The following SLC25A26 variants were observed in gnomAD, a reference collection of about 807,000 sequenced individuals.
SLC25A26 encodes the protein mitochondrial S-adenosylmethionine carrier protein.
Under a neutral mutation model 37.8 loss-of-function variants are expected in SLC25A26, and 36 were observed. That is an observed-to-expected ratio of 0.95 (90% CI 0.73 to 1.26). SLC25A26 has a LOEUF of 1.26. Among genes scored for constraint, SLC25A26 ranks in the 50% most tolerant of loss-of-function variants. The pLI is 0.00. For missense variants in SLC25A26, 390 were observed against 331.1 expected (o/e 1.18, Z -1.38); for synonymous variants, 129 against 122.5 (o/e 1.05, Z -0.35).
intron 7 of SLC25A26, among the ~76,000 whole-genome samples, chr3:66,369,150 CACAT>C (rs1184332349): frequency 6.6e-6 from 1 of 151,470 alleles, no homozygotes; most frequent in Non-Finnish European, 1.5e-5. Flanking sequence ...GGCATCTGGC[CACAT>C]ACATGTATGT....
rs550913861 is a variant in SLC25A26 at position 66,254,657 on chromosome 3, G to A, written c.301-7394G>A. ...ACATCTTTATTGAAAAATAATTCTG[G>A]AGATGATAGTCAGAACACTTGGGTT... On this transcript the variant is annotated intron_variant, in intron 3 of 9. Coordinates refer to ENST00000354883, the MANE Select transcript of SLC25A26 (RefSeq NM_001379210.1). Among the ~76,000 whole-genome samples the A allele has an allele frequency of 3.3e-5, 5 of 152,330 alleles. No individual in the cohort carries two copies. The South Asian group carries it at 1.0e-3, about 32-fold the overall frequency.
intron 1 of SLC25A26, among the ~76,000 whole-genome samples, chr3:66,134,784 CTTT>C (rs2069922031): frequency 6.6e-6 from 1 of 151,898 alleles, no homozygotes; most frequent in Non-Finnish European, 1.5e-5. Flanking sequence ...CACTTTTCTT[CTTT>C]GACAGTTGTC....
chr3:66,327,285 C>T (rs989748511), intron 5 of SLC25A26, among the ~76,000 whole-genome samples: 8 of 152,156 alleles, frequency 5.3e-5, no homozygotes, highest in African/African-American at 9.6e-5. Flanking sequence ...CCCCAAAATG[C>T]ATGATTTTTA....
chr3:66,374,574 C>T, intron 9 of SLC25A26, among the ~76,000 whole-genome samples: 1 of 152,322 alleles, frequency 6.6e-6, no homozygotes, highest in South Asian at 2.1e-4. Context: ...GGAAGAATCA[C>T]ACCTTTCTCA....
At chr3:66,164,041 G>A (rs1045267112) in intron 1 of SLC25A26, among the ~76,000 whole-genome samples, 1 of 152,072 alleles carries the variant, frequency 6.6e-6, no homozygotes, top group Non-Finnish European at 1.5e-5. Context: ...AATAGTGTTG[G>A]GGTTGAGAAA....
rs536690709 is a variant in SLC25A26 at position 66,239,816 on chromosome 3, C to CTTT, written c.190+3138_190+3140dup. ...ATGGGTTAATGAGTTTCCTTTCTTT[C>CTTT]TTTTTTTTTTTTTTTTTTTTTTTTA... On this transcript the variant is annotated intron_variant, in intron 2 of 9. Coordinates refer to ENST00000354883, the MANE Select transcript of SLC25A26 (RefSeq NM_001379210.1). Among the ~76,000 whole-genome samples the CTTT allele has an allele frequency of 3.1e-4, 34 of 110,164 alleles. 1 individual carries two copies. Among genetic ancestry groups the CTTT allele is most frequent in the East Asian group, 5.8e-4 (2 of 3,462 alleles). The allele number at this position is 110,164 out of a possible 152,430, so 72.3% of individuals were successfully genotyped here. A position where few individuals can be genotyped will look rare whatever the true frequency, so the allele number is the denominator to read the frequency against.
At chr3:66,319,744 C>G (rs199591821) in intron 5 of SLC25A26, among the ~76,000 whole-genome samples, 4 of 92,090 alleles carry the variant, frequency 4.3e-5, no homozygotes, top group Non-Finnish European at 6.0e-5. Context: ...GCAATTAAAT[C>G]TTTTTTTTTT....
chr3:66,372,496 A>AG (rs1181837290), intron 9 of SLC25A26, among the ~76,000 whole-genome samples: 1 of 152,182 alleles, frequency 6.6e-6, no homozygotes, highest in Non-Finnish European at 1.5e-5. Context: ...ATACAGGCAG[A>AG]GGAGGGGTGT....
intron 5 of SLC25A26, among the ~76,000 whole-genome samples, chr3:66,286,462 T>G (rs913604262): frequency 7.9e-5 from 12 of 152,178 alleles, no homozygotes; most frequent in African/African-American, 2.7e-4. Flanking sequence ...TTTTTTTTCC[T>G]CACTGAAATG....
intron 5 of SLC25A26, among the ~76,000 whole-genome samples, chr3:66,299,429 A>T (rs1003595993): frequency 3.3e-5 from 5 of 152,026 alleles, no homozygotes; most frequent in African/African-American, 1.2e-4. Flanking sequence ...GCCTCAAGTG[A>T]TCTGCTCACC....
At chr3:66,225,607 T>C (rs1227750207) in intron 1 of SLC25A26, among the ~76,000 whole-genome samples, 3 of 152,252 alleles carry the variant, frequency 2.0e-5, no homozygotes, top group Non-Finnish European at 2.9e-5. Context: ...TGACTCCTGG[T>C]TATTTATGCA....
At chr3:66,344,693 T>C (rs2076280951) in intron 5 of SLC25A26, among the ~76,000 whole-genome samples, 1 of 152,256 alleles carries the variant, frequency 6.6e-6, no homozygotes, top group Non-Finnish European at 1.5e-5. Context: ...CCCTGGGCTG[T>C]GACTGGACAT....
At chr3:66,283,167 A>G (rs542539948) in intron 5 of SLC25A26, among the ~76,000 whole-genome samples, 1 of 152,200 alleles carries the variant, frequency 6.6e-6, no homozygotes, top group African/African-American at 2.4e-5. Context: ...ATAGTCATGT[A>G]TAAGTTTTTG....
At chr3:66,242,537 C>T (rs1576693828) in intron 2 of SLC25A26, among the ~76,000 whole-genome samples, 1 of 152,136 alleles carries the variant, frequency 6.6e-6, no homozygotes, top group East Asian at 1.9e-4. Context: ...ATGAATTTGT[C>T]ATTCCTTTAT....
chr3:66,209,052 A>G (rs1302141743), intron 1 of SLC25A26, among the ~76,000 whole-genome samples: 2 of 24,344 alleles, frequency 8.2e-5, no homozygotes, highest in East Asian at 5.8e-3. Context: ...ATATATATAT[A>G]TATATATATA....
intron 1 of SLC25A26, among the ~76,000 whole-genome samples, chr3:66,140,750 GA>G (rs1057374426): frequency 3.9e-5 from 6 of 152,060 alleles, no homozygotes; most frequent in Admixed American, 2.0e-4. Context: ...TCAGATGACA[GA>G]AGGAATTCTT....
intron 9 of SLC25A26, among the ~76,000 whole-genome samples, chr3:66,376,763 G>T (rs537744682): frequency 6.6e-6 from 1 of 152,176 alleles, no homozygotes; most frequent in South Asian, 2.1e-4. Flanking sequence ...TGGTGAAAAG[G>T]TTCAAAGGTT....
intron 5 of SLC25A26, among the ~76,000 whole-genome samples, chr3:66,300,241 G>A (rs1316118634): frequency 1.5e-5 from 2 of 130,890 alleles, no homozygotes; most frequent in African/African-American, 5.3e-5. Flanking sequence ...TTCTAGGCTA[G>A]GGTTTTTTTG....
intron 1 of SLC25A26, among the ~76,000 whole-genome samples, chr3:66,205,161 A>C (rs1031289611): frequency 6.6e-6 from 1 of 152,166 alleles, no homozygotes; most frequent in South Asian, 2.1e-4. Context: ...TTTTGTGTTT[A>C]TTTATTGAGA....
Sources: allele counts gnomAD v4.1 joint callset (sites outside exome capture counted in the v4.1 genomes callset), GRCh38; gene constraint gnomAD v4.1.1; transcripts MANE v1.5; gene names NCBI Gene and HGNC (gene_info 2026-07-23, HGNC 2026-07-21).